The following KIAA0586 variants were observed in gnomAD, a reference collection of about 807,000 sequenced individuals.
The protein encoded by KIAA0586 is protein TALPID3.
KIAA0586 carries 144 observed loss-of-function variants against 169.8 expected under a neutral mutation model. The ratio of observed to expected loss-of-function variants is 0.85; its 90% CI spans 0.74 to 0.97. The LOEUF (loss-of-function observed/expected upper bound fraction) is 0.97. Ranked by LOEUF, KIAA0586 falls within the 50% of genes least tolerant of loss-of-function variation. The pLI, the probability that KIAA0586 is intolerant of heterozygous loss-of-function variation, is 0.00. For synonymous variants in KIAA0586, 625 were observed against 612.4 expected, an observed-to-expected ratio of 1.02 and a Z score of -0.30; for missense variants, 1,854 against 1,823.0, an observed-to-expected ratio of 1.02 and a Z score of -0.31.
intron 15 of KIAA0586, 147 bp downstream of exon 15, chr14:58,466,176 A>C: frequency 1.7e-6 from 1 of 577,844 alleles, no homozygotes; most frequent in Non-Finnish European, 3.0e-6. Flanking sequence ...TCAACCTCTC[A>C]AAGTGCTGGG....
chr14:58,445,002 C>T (rs569496851), intron 6 of KIAA0586, among the ~76,000 whole-genome samples: 9 of 150,918 alleles, frequency 6.0e-5, no homozygotes, highest in East Asian at 1.9e-4. Flanking sequence ...CTGAGACTGC[C>T]GGAGACCTTG....
the KIAA0586 span, among the ~76,000 whole-genome samples, chr14:58,561,550 A>T: frequency 6.6e-6 from 1 of 152,326 alleles, no homozygotes; most frequent in Admixed American, 6.5e-5. Flanking sequence ...CTTTATTAAC[A>T]TACTTTCTTT....
intron 4 of KIAA0586, among the ~76,000 whole-genome samples, chr14:58,438,044 C>T (rs2140480338): frequency 6.6e-6 from 1 of 152,216 alleles, no homozygotes; most frequent in East Asian, 1.9e-4. Context: ...AAGCTAAGTA[C>T]TGAAAAATAC....
intron 4 of KIAA0586, chr14:58,440,288 TTCTC>T (rs138818880): frequency 2.0e-3 from 725 of 368,362 alleles, no homozygotes; most frequent in East Asian, 3.8e-3. Flanking sequence ...CTTTTCTTCT[TTCTC>T]TCTCTCTCTC....
intron 27 of KIAA0586, among the ~76,000 whole-genome samples, chr14:58,502,832 G>A (rs1014112151): frequency 2.0e-5 from 3 of 152,310 alleles, no homozygotes; most frequent in Admixed American, 1.3e-4. Flanking sequence ...GGTGACCACA[G>A]ACTATAACTG....
At chr14:58,515,805 C>G (rs982041838) in intron 29 of KIAA0586, among the ~76,000 whole-genome samples, 6 of 152,060 alleles carry the variant, frequency 3.9e-5, no homozygotes, top group African/African-American at 1.5e-4. Flanking sequence ...AATAAATTCA[C>G]TTTGAAATGT....
At chr14:58,542,325 T>A (rs1308318545) in intron 30 of KIAA0586, among the ~76,000 whole-genome samples, 2 of 151,834 alleles carry the variant, frequency 1.3e-5, no homozygotes, top group Non-Finnish European at 2.9e-5. Context: ...AAAAATACAA[T>A]AATTAGCTGG....
chr14:58,440,067 T>A (rs1283153708), intron 4 of KIAA0586: 2 of 224,490 alleles, frequency 8.9e-6, no homozygotes, highest in South Asian at 4.2e-5. Context: ...TTTTTTTTTC[T>A]AGAGACAGGG....
intron 8 of KIAA0586, 39 bp downstream of exon 8, chr14:58,450,785 A>T: frequency 7.4e-7 from 1 of 1,345,766 alleles, no homozygotes; most frequent in Non-Finnish European, 1.0e-6. Context: ...CAAATTAGGA[A>T]ATTGTCATGA....
intron 29 of KIAA0586, among the ~76,000 whole-genome samples, chr14:58,531,181 G>T (rs2045939720): frequency 6.6e-6 from 1 of 150,542 alleles, no homozygotes; most frequent in Non-Finnish European, 1.5e-5. Context: ...AAAAAAATTA[G>T]CCGGGCATGG....
intron 29 of KIAA0586, among the ~76,000 whole-genome samples, chr14:58,524,515 G>A (rs908303281): frequency 6.6e-6 from 1 of 152,170 alleles, no homozygotes; most frequent in Non-Finnish European, 1.5e-5. Context: ...GCAGAAGAGG[G>A]AGGACCACCC....
intron 13 of KIAA0586, 139 bp from the exon 14 acceptor site, chr14:58,460,847 G>T: frequency 2.1e-6 from 1 of 483,288 alleles, no homozygotes. Context: ...TAGAATTTAA[G>T]GGCTGTTGAA....
chr14:58,437,873 G>A (rs989666650), intron 4 of KIAA0586, among the ~76,000 whole-genome samples: 1 of 152,124 alleles, frequency 6.6e-6, no homozygotes, highest in Admixed American at 6.6e-5. Flanking sequence ...GCTAGGGCTG[G>A]ATGCATTCTG....
chr14:58,478,373 C>T (rs1188443894), intron 20 of KIAA0586, among the ~76,000 whole-genome samples: 2 of 152,178 alleles, frequency 1.3e-5, no homozygotes, highest in African/African-American at 4.8e-5. Context: ...ATTGCAGCTA[C>T]TCCGGAGGCT....
chr14:58,447,134 A>T (rs1412112548), intron 6 of KIAA0586, among the ~76,000 whole-genome samples: 1 of 152,180 alleles, frequency 6.6e-6, no homozygotes, highest in Non-Finnish European at 1.5e-5. Context: ...TTGTTTACAT[A>T]CTGGATATAT....
rs367561295 is a variant in KIAA0586, at chr14:58,430,751, A to T, written c.340+34A>T. ...ATAATATTGATTTTTTTAAATTGTG[A>T]CAACATATACATAACATAAAGTTTA... On this transcript the variant is annotated intron_variant, in intron 3 of 30. Transcript: ENST00000652326. 1.0e-5 allele frequency: 12 copies of T among 1,177,084 alleles called. No individual in the cohort carries two copies. In the East Asian group the frequency reaches 2.1e-4, roughly 21 times the overall value. 72.9% of individuals were successfully genotyped at this position (1,177,084 alleles called of 1,614,324 possible).
At chr14:58,493,539 A>C (rs1002911816) in intron 26 of KIAA0586, among the ~76,000 whole-genome samples, 1 of 152,120 alleles carries the variant, frequency 6.6e-6, no homozygotes, top group African/African-American at 2.4e-5. Flanking sequence ...TCTGAAGACT[A>C]TATAGGGCCC....
chr14:58,443,714 C>T (rs965528251), intron 5 of KIAA0586, among the ~76,000 whole-genome samples: 7 of 152,086 alleles, frequency 4.6e-5, no homozygotes, highest in Non-Finnish European at 7.4e-5. Flanking sequence ...TGAGCCACCG[C>T]GCCTGGCCAA....
At position 58,465,912 on chromosome 14, in the gene KIAA0586, C is replaced by T; in HGVS notation, c.2137C>T (p.His713Tyr). 1.9e-6 allele frequency: 3 copies of T among 1,612,478 alleles called. No individual in the cohort carries two copies. Among genetic ancestry groups the T allele is most frequent in the Non-Finnish European group, 2.5e-6 (3 of 1,178,894 alleles). ...KPKKMDSKMK[H>Y]SVPVLPHGDQ... Reference sequence around the variant, plus strand: ...TAAGAAGATGGATTCTAAAATGAAACATTCTGTTCCTGTGTTACCTCATGG... The same window carrying T: ...TAAGAAGATGGATTCTAAAATGAAATATTCTGTTCCTGTGTTACCTCATGG... The change falls in exon 15 of 31, where the codon CAT (histidine) becomes TAT (tyrosine). Residue 713 changes from histidine (H) to tyrosine (Y), a missense_variant. By Grantham distance (83) the His-to-Tyr change is moderately conservative. Transcript: ENST00000652326.
Sources: allele counts gnomAD v4.1 joint callset (sites outside exome capture counted in the v4.1 genomes callset), GRCh38; gene constraint gnomAD v4.1.1; transcripts MANE v1.5; gene names NCBI Gene and HGNC (gene_info 2026-07-23, HGNC 2026-07-21).